PDZD2: variants seen among roughly 807,000 people sequenced by gnomAD.
PDZD2 encodes the protein PDZ domain containing 2, also known as PDZ domain-containing protein 2.
Under a neutral mutation model 220.7 loss-of-function variants are expected in PDZD2, and 90 were observed. That is an observed-to-expected ratio of 0.41 (90% CI 0.34 to 0.49). PDZD2 has a LOEUF of 0.49. Among genes scored for constraint, PDZD2 ranks in the 20% least tolerant of loss-of-function variants. The probability of loss-of-function intolerance (pLI) is 0.28; values close to 1 mark genes in which losing one functional copy is unlikely to be tolerated. For missense variants in PDZD2, 3,174 were observed against 3,608.5 expected, an observed-to-expected ratio of 0.88 and a Z score of 3.08; for synonymous variants, 1,375 against 1,450.5, an observed-to-expected ratio of 0.95 and a Z score of 1.18.
intron 2 of PDZD2, among the ~76,000 whole-genome samples, chr5:31,982,904 C>T (rs986750003): frequency 3.3e-5 from 5 of 152,142 alleles, no homozygotes; most frequent in Admixed American, 6.5e-5. Context: ...CCTGATCCTA[C>T]GGTACTTAAA....
At chr5:31,649,937 C>CA (rs6148975) in intron 1 of PDZD2, among the ~76,000 whole-genome samples, 35,089 of 73,048 alleles carry the variant, frequency 0.48, 12,125 homozygotes, top group Non-Finnish European at 0.6. Flanking sequence ...GACTCCGTCT[C>CA]AAAAAAAAAA....
rs1286644693 is a variant in PDZD2 at position 32,090,226 on chromosome 5, G to A, written c.6778G>A (p.Glu2260Lys). The A allele has an allele frequency of 5.0e-6, 8 of 1,614,038 alleles. No homozygotes were observed. The highest frequency in any genetic ancestry group is 3.3e-5 in the South Asian group (3 of 91,092). The change falls in exon 20 of 25, where the codon GAG becomes AAG. Residue 2260 changes from glutamate to lysine, a missense_variant. Physicochemically the swap from Glu to Lys is moderately conservative, Grantham distance 56. This residue lies in a region of PDZD2 where 631 missense variants were observed against 789.9 expected (regional missense o/e 0.80). Transcript: ENST00000438447. The surrounding 1 kb of genome is among the most constrained non-coding windows in gnomAD (Gnocchi z 4.3). ...QVPVTSSVVP[E>K]AKASRGGLPS... ...CCCTGTGACAAGCAGTGTTGTCCCC[G>A]AGGCAAAGGCATCCAGAGGTGGTCT... is the stretch of plus-strand genomic sequence containing the variant.
At chr5:31,675,673 A>G (rs1328049041) in intron 1 of PDZD2, among the ~76,000 whole-genome samples, 1 of 152,124 alleles carries the variant, frequency 6.6e-6, no homozygotes, top group Admixed American at 6.6e-5. Flanking sequence ...AGTCCTTATC[A>G]GCATTCTTAT....
At chr5:31,839,193 A>G (rs7719434) in intron 2 of PDZD2, among the ~76,000 whole-genome samples, 118,696 of 152,064 alleles carry the variant, frequency 0.78, 47,436 homozygotes, top group Non-Finnish European at 0.86. Context: ...CTTTGAAGAC[A>G]AGTTTTGTTG....
At position 32,110,728 on chromosome 5, in the gene PDZD2, T is replaced by C. The variant is rs1054562017; in HGVS notation, c.*2593T>C. ...TCATTGAATTTGATGGTTGACTTAA[T>C]TGGCACCATAACTTTGTATGATATT... On this transcript the variant is annotated 3_prime_UTR_variant, in exon 25 of 25. Coordinates refer to ENST00000438447, the MANE Select transcript of PDZD2 (RefSeq NM_178140.4). The C allele has an allele frequency of 1.3e-5, 2 of 152,686 alleles. No individual in the cohort carries two copies. The highest frequency in any genetic ancestry group is 3.8e-4 in the East Asian group (2 of 5,204). The allele number at this position is 152,686 out of a possible 1,614,324, so 9.5% of individuals were successfully genotyped here. A position where few individuals can be genotyped will look rare whatever the true frequency, so the allele number is the denominator to read the frequency against.
intron 2 of PDZD2, among the ~76,000 whole-genome samples, chr5:31,811,081 G>A (rs1254942312): frequency 2.0e-5 from 3 of 152,080 alleles, no homozygotes; most frequent in Admixed American, 1.3e-4. Context: ...TCCGCCTCCC[G>A]GCTTCAAGCA....
intron 2 of PDZD2, among the ~76,000 whole-genome samples, chr5:31,946,295 G>A (rs530082197): frequency 9.8e-5 from 15 of 152,296 alleles, no homozygotes; most frequent in African/African-American, 1.9e-4. Flanking sequence ...GAGTCACTGC[G>A]CCTGGCCAAA....
chr5:31,962,369 GGA>G (rs1748325356), intron 2 of PDZD2, among the ~76,000 whole-genome samples: 2 of 152,128 alleles, frequency 1.3e-5, no homozygotes, highest in Non-Finnish European at 2.9e-5. Context: ...AATCCTTTAG[GGA>G]AGTTGGACAG....
rs140493734 is a variant in PDZD2, at chr5:31,799,556, G to C, written c.308G>C (p.Gly103Ala). 1.9e-6 allele frequency: 3 copies of C among 1,614,144 alleles called. No homozygotes were observed. In the Admixed American group the frequency reaches 5.0e-5, roughly 27 times the overall value. The change falls in exon 2 of 25, where the codon GGC (glycine) becomes GCC (alanine). Residue 103 changes from glycine (G) to alanine (A), a missense_variant. By Grantham distance (60) the Gly-to-Ala change is moderately conservative. Around this residue, in one of 4 missense-constraint regions of PDZD2, gnomAD observed 632 missense variants for 708.1 expected, o/e 0.89. Coordinates refer to ENST00000438447, the MANE Select transcript of PDZD2 (RefSeq NM_178140.4). ...GACTATGGTGAAAAGCGCAGGGGGG[G>C]CAAGAAGAGGAAAACCCACCAGGGT... ...FGDYGEKRRG[G>A]KKRKTHQGPV...
Position 31,987,765 on chromosome 5 carries a change from T to C in PDZD2, c.978+4109T>C, listed in dbSNP as rs148363395. Among the ~76,000 whole-genome samples, 1,471 of 152,314 alleles carry C rather than the reference T, an allele frequency of 9.7e-3. 24 individuals carry two copies. Among genetic ancestry groups the C allele is most frequent in the African/African-American group, 0.033 (1,364 of 41,568 alleles). On this transcript the variant is annotated intron_variant, in intron 3 of 24. Coordinates refer to ENST00000438447, the MANE Select transcript of PDZD2 (RefSeq NM_178140.4). The stretch of plus-strand genomic sequence containing the variant: ...CAAGCTGGAAGTTTGATGAGATTCA[T>C]TGGGGGTGACCAACCATCCTGGTTT...
intron 2 of PDZD2, among the ~76,000 whole-genome samples, chr5:31,802,658 C>T (rs1420781945): frequency 6.6e-6 from 1 of 152,154 alleles, no homozygotes; most frequent in East Asian, 1.9e-4. Flanking sequence ...CCGTGGCTCA[C>T]GCCTGTAATC....
At chr5:31,854,892 C>T (rs1372483949) in intron 2 of PDZD2, 1 of 808,108 alleles carries the variant, frequency 1.2e-6, no homozygotes, top group Non-Finnish European at 1.5e-6. Flanking sequence ...TCCTAACCTC[C>T]TCCACCGCGG....
chr5:32,035,504 T>G (rs1423498469), intron 6 of PDZD2, among the ~76,000 whole-genome samples: 1 of 152,096 alleles, frequency 6.6e-6, no homozygotes, highest in Non-Finnish European at 1.5e-5. Flanking sequence ...CAGGTGAATT[T>G]TTTTTTAAGA....
At chr5:31,916,352 C>G (rs112497377) in intron 2 of PDZD2, among the ~76,000 whole-genome samples, 91 of 152,322 alleles carry the variant, frequency 6.0e-4, no homozygotes, top group African/African-American at 2.1e-3. Flanking sequence ...AGGCTCAACC[C>G]CTCCAGGGGA....
chr5:31,683,342 T>G lies in PDZD2; in HGVS notation c.-361+43905T>G, dbSNP rs151203289. ...GGGATCATATTCTTTGAAGTTTTAT[T>G]TTCTAGTAATATTTGTAAGGGTGCT... On this transcript the variant is annotated intron_variant, in intron 1 of 24. Transcript: ENST00000438447. 5.7e-3 allele frequency among the ~76,000 whole-genome samples: 870 copies of G among 152,280 alleles called. 11 individuals are homozygous for G. The highest frequency in any genetic ancestry group is 0.019 in the African/African-American group (797 of 41,542).
rs1228015419 is a variant in PDZD2, at chr5:31,639,387, G to A, written c.-411G>A. 2 of 151,036 alleles carry A rather than the reference G, an allele frequency of 1.3e-5. No homozygotes were observed. The highest frequency in any genetic ancestry group is 4.8e-5 in the African/African-American group (2 of 41,314). 9.4% of individuals were successfully genotyped at this position (151,036 alleles called of 1,614,324 possible). On this transcript the variant is annotated 5_prime_UTR_variant, in exon 1 of 25. Coordinates refer to ENST00000438447, the MANE Select transcript of PDZD2 (RefSeq NM_178140.4). The surrounding 1 kb of genome is among the most constrained non-coding windows in gnomAD (Gnocchi z 4.1). The stretch of plus-strand genomic sequence containing the variant: ...CGCGGGGACCCGCCGGGCGGCGCCT[G>A]GGTCTGGACGCGCGAGGAAGCCGCG...
chr5:31,831,725 C>T (rs535548650), intron 2 of PDZD2, among the ~76,000 whole-genome samples: 78 of 140,216 alleles, frequency 5.6e-4, no homozygotes, highest in African/African-American at 1.9e-3. Context: ...TCCAGCTTGG[C>T]GACAGAGCAA....
At chr5:32,101,485 C>G (rs529854566) in intron 24 of PDZD2, among the ~76,000 whole-genome samples, 1 of 152,352 alleles carries the variant, frequency 6.6e-6, no homozygotes, top group Admixed American at 6.5e-5. Context: ...TAGGGTCACA[C>G]AGCTGTAAGT....
intron 1 of PDZD2, chr5:31,725,482 T>G (rs1749068873): frequency 1.6e-6 from 2 of 1,224,032 alleles, no homozygotes; most frequent in Admixed American, 2.7e-5. Context: ...AATAAAACTA[T>G]GAGTAAATGA....
Sources: allele counts gnomAD v4.1 joint callset (sites outside exome capture counted in the v4.1 genomes callset), GRCh38; gene constraint gnomAD v4.1.1; regional missense constraint gnomAD v4.1.1; non-coding constraint Gnocchi (gnomAD v3.1); transcripts MANE v1.5; gene names NCBI Gene and HGNC (gene_info 2026-07-23, HGNC 2026-07-21).